Variants in SMG1 observed in about 807,000 individuals in gnomAD.
SMG1 encodes the protein serine/threonine-protein kinase SMG1.
Under a neutral mutation model 419.9 loss-of-function variants are expected in SMG1, and 22 were observed. The ratio of observed to expected loss-of-function variants is 0.05; its 90% CI spans 0.04 to 0.07. The LOEUF (loss-of-function observed/expected upper bound fraction) is 0.07. Among genes scored for constraint, SMG1 ranks in the 10% least tolerant of loss-of-function variants. The pLI is 1.00. For synonymous variants in SMG1, 1,538 were observed against 1,553.5 expected, an observed-to-expected ratio of 0.99 and a Z score of 0.23; for missense variants, 3,185 against 4,342.0, an observed-to-expected ratio of 0.73 and a Z score of 7.49.
At position 18,834,789 on chromosome 16, in the gene SMG1, A is replaced by G. The variant is rs1021662905; in HGVS notation, c.8330+103T>C. 158 of 1,229,790 alleles carry G rather than the reference A, an allele frequency of 1.3e-4. 1 individual carries two copies. In the East Asian group the frequency reaches 2.8e-3, roughly 21 times the overall value. 76.2% of individuals were successfully genotyped at this position (1,229,790 alleles called of 1,614,324 possible). ...ACTAAAATCTGAAAAGCAAGTAAGCAGCTGTAACACTTGGCAAGACTAAGG... is the reference window on the plus strand; with the variant it reads ...ACTAAAATCTGAAAAGCAAGTAAGCGGCTGTAACACTTGGCAAGACTAAGG... On this transcript the variant is annotated intron_variant, in intron 49 of 62. Transcript: ENST00000446231.
intron 1 of SMG1, among the ~76,000 whole-genome samples, chr16:18,916,270 C>G (rs552288679): frequency 6.6e-5 from 10 of 151,704 alleles, no homozygotes; most frequent in African/African-American, 2.4e-4. Flanking sequence ...AATCCCAGCA[C>G]TTTGGGAGGC....
chr16:18,858,583 T>C (rs1361911972), intron 28 of SMG1: 1 of 227,124 alleles, frequency 4.4e-6, no homozygotes, highest in Non-Finnish European at 8.5e-6. Context: ...ACAGCACATT[T>C]ACTATAAAGC....
At chr16:18,887,738 C>A (rs1293394008) in intron 6 of SMG1, among the ~76,000 whole-genome samples, 3 of 79,018 alleles carry the variant, frequency 3.8e-5, no homozygotes, top group Admixed American at 1.7e-4. Context: ...ACTACATACC[C>A]AAAATAAAGC....
intron 46 of SMG1, among the ~76,000 whole-genome samples, chr16:18,836,958 C>T (rs1432359222): frequency 6.6e-6 from 1 of 152,172 alleles, no homozygotes; most frequent in Non-Finnish European, 1.5e-5. Context: ...ACTCAAGATA[C>T]ATAATGGTAA....
At chr16:18,842,038 G>A (rs577669710) in intron 40 of SMG1, among the ~76,000 whole-genome samples, 170 bp downstream of exon 40, 3 of 152,220 alleles carry the variant, frequency 2.0e-5, no homozygotes, top group South Asian at 4.2e-4. Flanking sequence ...CTTTCTGCAC[G>A]GCATCCAATC....
chr16:18,832,233 C>A lies in SMG1; in HGVS notation c.8792+707G>T, dbSNP rs144894527. ...CATTGGAACGCCAAAGAAAAGAGGC[C>A]CTGAGTCACTAGGCACAAAGAAGCT... is the stretch of plus-strand genomic sequence containing the variant. On this transcript the variant is annotated intron_variant, in intron 51 of 62. Transcript: ENST00000446231. Among the ~76,000 whole-genome samples, 619 of 152,144 alleles carry A rather than the reference C, an allele frequency of 4.1e-3. 2 individuals are homozygous for A. Among genetic ancestry groups the A allele is most frequent in the Non-Finnish European group, 4.8e-3 (326 of 68,006 alleles).
chr16:18,910,443 C>T (rs964094550), intron 1 of SMG1, among the ~76,000 whole-genome samples: 5 of 151,786 alleles, frequency 3.3e-5, no homozygotes, highest in African/African-American at 2.4e-5. Context: ...GTTGGTCAGG[C>T]TGCTCTCGAA....
chr16:18,923,030 T>C (rs925004004), intron 1 of SMG1, among the ~76,000 whole-genome samples: 3 of 152,128 alleles, frequency 2.0e-5, no homozygotes, highest in African/African-American at 7.2e-5. Context: ...GTAAGCCAAG[T>C]ATCTGTGCCA....
At chr16:18,873,202 G>A (rs554216705) in intron 13 of SMG1, among the ~76,000 whole-genome samples, 1 of 152,090 alleles carries the variant, frequency 6.6e-6, no homozygotes, top group Non-Finnish European at 1.5e-5. Flanking sequence ...ACAGGAATGA[G>A]AGTACCTGTG....
intron 54 of SMG1, among the ~76,000 whole-genome samples, chr16:18,828,912 C>T (rs1243446851): frequency 1.3e-5 from 2 of 151,848 alleles, no homozygotes; most frequent in Non-Finnish European, 2.9e-5. Flanking sequence ...GAGGGAGAAT[C>T]GCTTGAACCC....
intron 1 of SMG1, among the ~76,000 whole-genome samples, chr16:18,918,177 T>G (rs1173167463): frequency 1.3e-5 from 2 of 152,038 alleles, no homozygotes; most frequent in Non-Finnish European, 1.5e-5. Flanking sequence ...GAAGGAGAAC[T>G]GCTTGAACCC....
rs1220290756 is a variant in SMG1 at position 18,892,212 on chromosome 16, A to T, written c.549+6T>A. On this transcript the variant is annotated splice_donor_region_variant and intron_variant, in intron 4 of 62. Coordinates refer to ENST00000446231, the MANE Select transcript of SMG1 (RefSeq NM_015092.5). The stretch of plus-strand genomic sequence containing the variant: ...ATCCTCATATTTCCAAACATACTAT[A>T]CTTACCAGCTTATTTTCTGGTTGCT... 1 of 1,524,158 alleles carries T rather than the reference A, an allele frequency of 6.6e-7. No homozygotes were observed. Among genetic ancestry groups the T allele is most frequent in the African/African-American group, 1.4e-5 (1 of 72,722 alleles). 94.4% of individuals were successfully genotyped at this position (1,524,158 alleles called of 1,614,324 possible).
chr16:18,921,388 G>A (rs1404079619), intron 1 of SMG1, among the ~76,000 whole-genome samples: 3 of 151,828 alleles, frequency 2.0e-5, no homozygotes, highest in Admixed American at 6.6e-5. Context: ...AAAAACAAAC[G>A]TTCCTTTAGT....
intron 58 of SMG1, 58 bp from the exon 59 acceptor site, chr16:18,815,709 A>C: frequency 7.0e-7 from 1 of 1,429,648 alleles, no homozygotes; most frequent in East Asian, 2.4e-5. Flanking sequence ...AATTACTCTC[A>C]AGACAGTCAC....
intron 3 of SMG1, among the ~76,000 whole-genome samples, chr16:18,893,839 C>T (rs1342959764): frequency 9.2e-5 from 14 of 151,992 alleles, no homozygotes; most frequent in African/African-American, 3.1e-4. Flanking sequence ...AGGCAGATCA[C>T]GAGGTCAGGA....
chr16:18,847,319 T>C (rs754619449), intron 38 of SMG1, 134 bp downstream of exon 38: 146 of 893,772 alleles, frequency 1.6e-4, no homozygotes, highest in Admixed American at 4.0e-4. Flanking sequence ...GTGGTGATGG[T>C]TGTACAATAT....
rs201679483 is a variant in SMG1 at position 18,839,735 on chromosome 16, G to C, written c.6908C>G (p.Ser2303Cys). 10 of 1,613,994 alleles carry C rather than the reference G, an allele frequency of 6.2e-6. No homozygotes were observed. The Admixed American group carries it at 1.0e-4, about 16-fold the overall frequency. Residue 2303 changes from serine (S) to cysteine (C), a missense_variant, in exon 42 of 63, where the codon TCT (serine) becomes TGT (cysteine). Coordinates refer to ENST00000446231, the MANE Select transcript of SMG1 (RefSeq NM_015092.5). ...CCACCATTCATCAGGTGTTGTGCAA[G>C]ATGACCAGAGCTCTTTGGCAAGGAG... ...PNLLAKELWS[S>C]CTTPDEWWRV...
At chr16:18,873,295 T>C (rs2035924304) in intron 13 of SMG1, among the ~76,000 whole-genome samples, 1 of 152,134 alleles carries the variant, frequency 6.6e-6, no homozygotes, top group Admixed American at 6.5e-5. Flanking sequence ...CTTGGCTCAC[T>C]GCAACCTCCA....
At chr16:18,880,967 GA>G (rs71141085) in intron 10 of SMG1, among the ~76,000 whole-genome samples, 27,240 of 107,070 alleles carry the variant, frequency 0.25, 2,663 homozygotes, top group Middle Eastern at 0.35. Context: ...ACTTTAAAAA[GA>G]AAAAAAAAAA....
Sources: allele counts gnomAD v4.1 joint callset (sites outside exome capture counted in the v4.1 genomes callset), GRCh38; gene constraint gnomAD v4.1.1; transcripts MANE v1.5; gene names NCBI Gene and HGNC (gene_info 2026-07-23, HGNC 2026-07-21).